The following DOCK1 variants were observed in gnomAD, a reference collection of about 807,000 sequenced individuals.
DOCK1 encodes dedicator of cytokinesis 1, also known as dedicator of cytokinesis protein 1.
Under a neutral mutation model 262.7 loss-of-function variants are expected in DOCK1, and 138 were observed. The ratio of observed to expected loss-of-function variants is 0.53; its 90% CI spans 0.46 to 0.61. The LOEUF (loss-of-function observed/expected upper bound fraction) is 0.61, where lower values mean the gene tolerates loss of function less well. DOCK1 is among the 20% of genes least tolerant of loss of function. The pLI, the probability that DOCK1 is intolerant of heterozygous loss-of-function variation, is 0.00. For missense variants in DOCK1, 1,908 were observed against 2,370.7 expected (o/e 0.80, Z 4.05); for synonymous variants, 866 against 867.4 (o/e 1.00, Z 0.03).
At chr10:127,189,913 A>G (rs910974198) in intron 27 of DOCK1, among the ~76,000 whole-genome samples, 1 of 152,202 alleles carries the variant, frequency 6.6e-6, no homozygotes, top group African/African-American at 2.4e-5. Context: ...ATGGAGTTGA[A>G]GTCACGACGT....
At chr10:126,986,074 G>A (rs61875511) in intron 4 of DOCK1, among the ~76,000 whole-genome samples, 26,016 of 151,920 alleles carry the variant, frequency 0.17, 2,840 homozygotes, top group Admixed American at 0.26. Flanking sequence ...GGCTGGTCTC[G>A]AACTCCTGAT....
intron 21 of DOCK1, among the ~76,000 whole-genome samples, chr10:127,045,391 G>C (rs1429034427): frequency 3.9e-5 from 6 of 152,128 alleles, no homozygotes; most frequent in Admixed American, 3.3e-4. Flanking sequence ...TGGCGACTGA[G>C]ATAGCTCTGA....
chr10:127,338,034 C>G (rs1038688084), intron 29 of DOCK1, among the ~76,000 whole-genome samples: 1 of 152,124 alleles, frequency 6.6e-6, no homozygotes, highest in Non-Finnish European at 1.5e-5. Context: ...TCTCCAGGCA[C>G]GCTTGGCTGA....
rs542994053 is a variant in DOCK1, at chr10:127,377,843, G to A, written c.3676-2239G>A. Among the ~76,000 whole-genome samples the A allele has an allele frequency of 1.8e-4, 25 of 139,124 alleles. No individual in the cohort carries two copies. In the South Asian group the frequency reaches 5.5e-3, roughly 30 times the overall value. 91.3% of individuals were successfully genotyped at this position (139,124 alleles called of 152,430 possible). ...GGAGGCGGAGGTTGCAGTGAGCCTA[G>A]ATCACACCACTGCACTCCAGCCTGG... On this transcript the variant is annotated intron_variant, in intron 35 of 51. Coordinates refer to ENST00000623213, the MANE Select transcript of DOCK1 (RefSeq NM_001290223.2).
At chr10:126,945,102 G>T (rs921674749) in intron 1 of DOCK1, among the ~76,000 whole-genome samples, 3 of 152,164 alleles carry the variant, frequency 2.0e-5, no homozygotes, top group Non-Finnish European at 4.4e-5. Flanking sequence ...CTCCCAAAGT[G>T]CTGGGATTAC....
intron 4 of DOCK1, among the ~76,000 whole-genome samples, chr10:126,984,939 T>G (rs2039258706): frequency 1.3e-5 from 2 of 151,706 alleles, no homozygotes; most frequent in Non-Finnish European, 2.9e-5. Context: ...GGTGTCCCTT[T>G]GACCCATCAT....
chr10:127,142,460 C>A (rs780121830), intron 27 of DOCK1, among the ~76,000 whole-genome samples: 151 of 152,286 alleles, frequency 9.9e-4, no homozygotes, highest in Non-Finnish European at 1.6e-3. Context: ...GGAATTCTTA[C>A]TCCTGGGGAG....
intron 27 of DOCK1, among the ~76,000 whole-genome samples, chr10:127,192,974 G>A (rs1436042173): frequency 6.6e-6 from 1 of 152,128 alleles, no homozygotes; most frequent in African/African-American, 2.4e-5. Flanking sequence ...TCCAGTATTG[G>A]AATAAAGACT....
At position 127,366,259 on chromosome 10, in the gene DOCK1, C is replaced by T. The variant is rs554571347; in HGVS notation, c.3432+4047C>T. 3.1e-4 allele frequency among the ~76,000 whole-genome samples: 47 copies of T among 152,102 alleles called. 1 individual carries two copies. The highest frequency in any genetic ancestry group is 1.1e-3 in the African/African-American group (46 of 41,510). On this transcript the variant is annotated intron_variant, in intron 33 of 51. Coordinates refer to ENST00000623213, the MANE Select transcript of DOCK1 (RefSeq NM_001290223.2). ...AAACTAACCCTTGTTTTAAAAAAAT[C>T]CCTCTTGTATGTTAATCTGCTTCTG...
chr10:127,245,594 C>A, intron 27 of DOCK1, among the ~76,000 whole-genome samples: 1 of 152,194 alleles, frequency 6.6e-6, no homozygotes, highest in Admixed American at 6.5e-5. Context: ...TTCTGTGTTA[C>A]AACGGTTTTG....
intron 50 of DOCK1, 67 bp from the exon 51 acceptor site, chr10:127,447,327 C>G: frequency 1.3e-6 from 2 of 1,560,162 alleles, no homozygotes; most frequent in Non-Finnish European, 1.7e-6. Context: ...GAACGTGGAG[C>G]AGCTCCCTGA....
At chr10:127,001,178 A>G (rs1226799520) in intron 10 of DOCK1, among the ~76,000 whole-genome samples, 2 of 152,172 alleles carry the variant, frequency 1.3e-5, no homozygotes, top group Non-Finnish European at 2.9e-5. Context: ...ATGGATATTT[A>G]TGAGGGAAAA....
chr10:126,986,497 C>T (rs1317322457), intron 4 of DOCK1, among the ~76,000 whole-genome samples: 2 of 152,236 alleles, frequency 1.3e-5, no homozygotes, highest in Non-Finnish European at 2.9e-5. Flanking sequence ...AATTCACTCT[C>T]TCCCCCTAAC....
intron 18 of DOCK1, 23 bp downstream of exon 18, chr10:127,032,343 A>T: frequency 6.7e-7 from 1 of 1,488,052 alleles, no homozygotes; most frequent in Non-Finnish European, 8.9e-7. Flanking sequence ...GGAGAAACAC[A>T]CTCACCCCAG....
intron 1 of DOCK1, among the ~76,000 whole-genome samples, chr10:126,906,241 T>G (rs2030791653): frequency 6.6e-6 from 1 of 152,156 alleles, no homozygotes; most frequent in African/African-American, 2.4e-5. Context: ...CTTTGTCGCT[T>G]CCGAGGGGGG....
chr10:127,384,681 A>G (rs545951315), intron 37 of DOCK1, 109 bp from the exon 38 acceptor site: 3 of 1,290,546 alleles, frequency 2.3e-6, no homozygotes, highest in East Asian at 5.8e-5. Context: ...GCAGCCACAC[A>G]TGTCTCCAGA....
At chr10:126,959,300 C>T (rs1197378657) in intron 1 of DOCK1, among the ~76,000 whole-genome samples, 4 of 152,130 alleles carry the variant, frequency 2.6e-5, no homozygotes, top group African/African-American at 9.7e-5. Context: ...TACAAGTTTT[C>T]CCCCACAAAA....
rs545756241 is a variant in DOCK1 at position 127,015,744 on chromosome 10, C to T, written c.1202-2966C>T. ...GTCCTGCCAGCCAGCTAGGATCATG[C>T]GGTGGCCTCCCTGCTGCGATTCCAT... On this transcript the variant is annotated intron_variant, in intron 12 of 51. Transcript: ENST00000623213. 5.9e-5 allele frequency among the ~76,000 whole-genome samples: 9 copies of T among 152,266 alleles called. No homozygotes were observed. In the South Asian group the frequency reaches 6.2e-4, roughly 11 times the overall value.
intron 27 of DOCK1, among the ~76,000 whole-genome samples, chr10:127,145,341 A>G (rs2051707306): frequency 6.6e-6 from 1 of 152,218 alleles, no homozygotes; most frequent in Admixed American, 6.5e-5. Flanking sequence ...CCACATGTCT[A>G]TGAAGCATAT....
Sources: gnomAD v4.1 joint callset for allele counts (sites outside exome capture counted in the v4.1 genomes callset) on GRCh38, gnomAD v4.1.1 for gene constraint, MANE v1.5 for transcripts, NCBI Gene and HGNC (gene_info 2026-07-23, HGNC 2026-07-21) for gene names.